The following INO80 variants were observed in gnomAD, a reference collection of about 807,000 sequenced individuals.
The protein encoded by INO80 is INO80 complex ATPase subunit, also known as chromatin-remodeling ATPase INO80.
A neutral mutation model predicts 203.4 loss-of-function variants in INO80; 20 were observed. That is an observed-to-expected ratio of 0.10 (90% CI 0.07 to 0.14). The LOEUF is 0.14. Ranked by LOEUF, INO80 falls within the 10% of genes least tolerant of loss-of-function variation. The pLI is 1.00. For synonymous variants in INO80, 726 were observed against 685.2 expected (o/e 1.06, Z -0.93); for missense variants, 1,419 against 1,914.4 (o/e 0.74, Z 4.83).
In INO80 at chr15:40,980,120, A is replaced by T; in HGVS notation, c.*103T>A. The T allele has an allele frequency of 1.1e-6, 1 of 915,750 alleles. No individual in the cohort carries two copies. Among genetic ancestry groups the T allele is most frequent in the Non-Finnish European group, 1.8e-6 (1 of 566,800 alleles). 56.7% of individuals were successfully genotyped at this position (915,750 alleles called of 1,614,324 possible). On this transcript the variant is annotated 3_prime_UTR_variant, in exon 36 of 36. Transcript: ENST00000648947. ...CCCCTGCTGGACATTTCCACTTCTG[A>T]CTCAGGATGCAAGATGCTGCACGGG... is the stretch of plus-strand genomic sequence containing the variant.
chr15:41,006,659 G>A (rs1276030084), intron 27 of INO80, among the ~76,000 whole-genome samples: 1 of 152,222 alleles, frequency 6.6e-6, no homozygotes, highest in Non-Finnish European at 1.5e-5. Context: ...TGCAGCGTAT[G>A]TGACAGCCTA....
At chr15:41,094,686 AC>A (rs2045694351) in intron 4 of INO80, among the ~76,000 whole-genome samples, 1 of 152,136 alleles carries the variant, frequency 6.6e-6, no homozygotes, top group African/African-American at 2.4e-5. Flanking sequence ...TGATTATGTG[AC>A]CCAATGAGTG....
At position 41,055,361 on chromosome 15, in the gene INO80, A is replaced by T; in HGVS notation, c.2074T>A (p.Trp692Arg). 1 of 1,602,164 alleles carries T rather than the reference A, an allele frequency of 6.2e-7. No homozygotes were observed. The highest frequency in any genetic ancestry group is 1.3e-5 in the African/African-American group (1 of 74,818). Reference sequence around the variant, plus strand: ...GGCATAATGAAATGCAGCAGAGCCCAAAGCTGTAAACAAAGACAAAAATGA... The same window carrying T: ...GGCATAATGAAATGCAGCAGAGCCCTAAGCTGTAAACAAAGACAAAAATGA... ...TPIQNTMAEL[W>R]ALLHFIMPTL... The change falls in exon 18 of 36, where the codon TGG becomes AGG. Residue 692 changes from tryptophan (W) to arginine (R), a missense_variant. Trp to Arg is a moderately radical substitution (Grantham distance 101). Around this residue, in one of 9 missense-constraint regions of INO80, gnomAD observed 192 missense variants for 406.7 expected, o/e 0.47. Transcript: ENST00000648947.
rs564385089 is a variant in INO80 at position 40,989,342 on chromosome 15, A to G, written c.3571-1368T>C. Among the ~76,000 whole-genome samples the G allele has an allele frequency of 2.0e-5, 3 of 152,340 alleles. No homozygotes were observed. In the South Asian group the frequency reaches 6.2e-4, roughly 32 times the overall value. On this transcript the variant is annotated intron_variant, in intron 29 of 35. Transcript: ENST00000648947. ...TTGCTGAGCAACAAACAAATTAACA[A>G]CAAAATATATCACCACTAAGTGAGT...
chr15:41,058,861 A>G, intron 15 of INO80, 80 bp from the exon 16 acceptor site: 1 of 1,397,650 alleles, frequency 7.2e-7, no homozygotes, highest in South Asian at 1.3e-5. Context: ...CTGTTTTTCT[A>G]GGGCCAAAAT....
Position 40,986,960 on chromosome 15 carries a change from A to G in INO80, c.3832+131T>C, listed in dbSNP as rs1018869412. On this transcript the variant is annotated intron_variant, in intron 31 of 35. Transcript: ENST00000648947. Reference sequence around the variant, plus strand: ...CAAACACATTCTTGTTTGGGTTTTTATATAAAATATGAGCACAAAAATACT... The same window carrying G: ...CAAACACATTCTTGTTTGGGTTTTTGTATAAAATATGAGCACAAAAATACT... 11 of 553,122 alleles carry G rather than the reference A, an allele frequency of 2.0e-5. No homozygotes were observed. In the South Asian group the frequency reaches 2.7e-4, roughly 14 times the overall value. The allele number at this position is 553,122 out of a possible 1,614,324, so 34.3% of individuals were successfully genotyped here. A position where few individuals can be genotyped will look rare whatever the true frequency, so the allele number is the denominator to read the frequency against.
intron 1 of INO80, chr15:41,108,746 T>C (rs2045918541): frequency 6.6e-6 from 1 of 152,226 alleles, no homozygotes; most frequent in African/African-American, 2.4e-5. Flanking sequence ...TCAGGAATGG[T>C]ACTAAGTACG....
intron 24 of INO80, among the ~76,000 whole-genome samples, chr15:41,033,844 G>A (rs996179252): frequency 5.3e-5 from 8 of 152,114 alleles, no homozygotes; most frequent in African/African-American, 1.7e-4. Flanking sequence ...GAGGTCAGGA[G>A]ATCAAGACCA....
At chr15:41,112,931 T>C (rs1189762508) in intron 1 of INO80, among the ~76,000 whole-genome samples, 1 of 152,006 alleles carries the variant, frequency 6.6e-6, no homozygotes, top group Non-Finnish European at 1.5e-5. Flanking sequence ...TTGTTGTTGT[T>C]GTTGAGCCAG....
intron 1 of INO80, among the ~76,000 whole-genome samples, chr15:41,097,376 G>T: frequency 6.6e-6 from 1 of 152,064 alleles, no homozygotes; most frequent in South Asian, 2.1e-4. Context: ...AGTAGCATCT[G>T]CCTTATACCT....
At chr15:41,080,081 T>C (rs2045463128) in intron 8 of INO80, among the ~76,000 whole-genome samples, 177 bp from the exon 9 acceptor site, 1 of 152,126 alleles carries the variant, frequency 6.6e-6, no homozygotes, top group Non-Finnish European at 1.5e-5. Flanking sequence ...GCCCAGACCC[T>C]GTGGTATTAT....
intron 24 of INO80, among the ~76,000 whole-genome samples, chr15:41,031,841 C>T (rs1239478556): frequency 6.6e-6 from 1 of 152,042 alleles, no homozygotes; most frequent in Admixed American, 6.6e-5. Context: ...AGACTCTTTT[C>T]GCACCATACA....
intron 9 of INO80, 110 bp downstream of exon 9, chr15:41,079,587 AAAAC>A: frequency 4.8e-6 from 5 of 1,036,586 alleles, no homozygotes; most frequent in South Asian, 1.5e-5. Flanking sequence ...AAAAAAAAAA[AAAAC>A]AAAAAATTGA....
intron 11 of INO80, 94 bp downstream of exon 11, chr15:41,073,334 A>G: frequency 9.6e-7 from 1 of 1,042,872 alleles, no homozygotes; most frequent in Non-Finnish European, 1.5e-6. Flanking sequence ...TTTAATTGCA[A>G]ATGTGATTAA....
At chr15:41,106,036 C>G (rs1454799693) in intron 1 of INO80, among the ~76,000 whole-genome samples, 1 of 151,932 alleles carries the variant, frequency 6.6e-6, no homozygotes, top group African/African-American at 2.4e-5. Flanking sequence ...GGCAGGAGGA[C>G]TGCTTGAGCC....
chr15:41,091,547 G>A (rs1359684917), intron 5 of INO80, among the ~76,000 whole-genome samples: 2 of 151,428 alleles, frequency 1.3e-5, no homozygotes, highest in Non-Finnish European at 2.9e-5. Context: ...CAGGCCCAGT[G>A]TGTCTTGTTC....
intron 24 of INO80, among the ~76,000 whole-genome samples, chr15:41,034,711 G>C (rs1566921077): frequency 6.6e-6 from 1 of 152,178 alleles, no homozygotes; most frequent in Non-Finnish European, 1.5e-5. Flanking sequence ...AGAATGATGA[G>C]ACCCCTTCCA....
chr15:41,061,719 T>C (rs1237574869), intron 14 of INO80, among the ~76,000 whole-genome samples: 3 of 152,230 alleles, frequency 2.0e-5, no homozygotes, highest in South Asian at 2.1e-4. Flanking sequence ...AGAATTTCAA[T>C]GGTATGCTAT....
chr15:40,998,016 CTTTTTTTTTT>C lies in INO80; in HGVS notation c.3498-425_3498-416del, dbSNP rs10572892. ...ACTAATGTTATTATTCCAAAACACT[CTTTTTTTTTT>C]TTTTTTTTTTTTTTAGACGTAGTCT... On this transcript the variant is annotated intron_variant, in intron 28 of 35. Coordinates refer to ENST00000648947, the MANE Select transcript of INO80 (RefSeq NM_017553.3). Among the ~76,000 whole-genome samples the C allele has an allele frequency of 9.3e-5, 7 of 75,178 alleles. 1 individual carries two copies. Among genetic ancestry groups the C allele is most frequent in the South Asian group, 1.0e-3 (2 of 1,908 alleles). The allele number at this position is 75,178 out of a possible 152,430, so 49.3% of individuals were successfully genotyped here.
Sources: gnomAD v4.1 joint callset for allele counts (sites outside exome capture counted in the v4.1 genomes callset) on GRCh38, gnomAD v4.1.1 for gene constraint, gnomAD v4.1.1 regional missense constraint, MANE v1.5 for transcripts, NCBI Gene and HGNC (gene_info 2026-07-23, HGNC 2026-07-21) for gene names.